ZNF831: variants seen among roughly 807,000 people sequenced by gnomAD.
ZNF831 encodes chromosome 20 open reading frame 174.
In ZNF831, 59 loss-of-function variants were observed where a neutral mutation model predicts 95.8. The ratio of observed to expected loss-of-function variants is 0.62; its 90% CI spans 0.50 to 0.77. The LOEUF is 0.77. Ranked by LOEUF, ZNF831 falls within the 30% of genes least tolerant of loss-of-function variation. The pLI is 0.00. For synonymous variants in ZNF831, 961 were observed against 925.5 expected, an observed-to-expected ratio of 1.04 and a Z score of -0.70; for missense variants, 2,205 against 2,164.0, an observed-to-expected ratio of 1.02 and a Z score of -0.38.
intron 4 of ZNF831, among the ~76,000 whole-genome samples, chr20:59,249,253 C>T (rs989812674): frequency 7.2e-5 from 11 of 152,154 alleles, no homozygotes; most frequent in African/African-American, 2.7e-4. Context: ...TAAGCCCCCT[C>T]ATTACTCTCT....
chr20:59,222,220 C>T (rs1249421533), intron 4 of ZNF831, among the ~76,000 whole-genome samples: 1 of 152,220 alleles, frequency 6.6e-6, no homozygotes, highest in Non-Finnish European at 1.5e-5. Context: ...ACTCGCCCCA[C>T]GGGCTGGGCT....
At chr20:59,205,594 T>G (rs116849175) in intron 3 of ZNF831, among the ~76,000 whole-genome samples, 11,340 of 152,204 alleles carry the variant, frequency 0.075, 584 homozygotes, top group Non-Finnish European at 0.11. Flanking sequence ...TATTTAAAAT[T>G]TTGTGAGCGG....
In ZNF831 at chr20:59,254,498, G is replaced by A. The variant is rs2146770760; in HGVS notation, c.4789G>A (p.Gly1597Arg). ...GTTTTTTCCTTCCAGAGGCCAGTAT[G>A]GGTGTGGGGAAATGACTGTCCCCTG... is the stretch of plus-strand genomic sequence containing the variant. ...KTFFPSRGQY[G>R]CGEMTVPCPS... The change falls in exon 6 of 6, where the codon GGG (glycine) becomes AGG (arginine). Residue 1597 changes from glycine (G) to arginine (R), a missense_variant. Transcript: ENST00000371030. The surrounding 1 kb of genome is among the most constrained non-coding windows in gnomAD (Gnocchi z 4.5). The A allele has an allele frequency of 6.2e-7, 1 of 1,614,196 alleles. No individual in the cohort carries two copies. Among genetic ancestry groups the A allele is most frequent in the Non-Finnish European group, 8.5e-7 (1 of 1,180,040 alleles).
At chr20:59,161,676 G>C (rs1171514426), upstream of ZNF831, among the ~76,000 whole-genome samples, 1 of 152,192 alleles carries the variant, frequency 6.6e-6, no homozygotes, top group Non-Finnish European at 1.5e-5. Context: ...AGGCACCCAG[G>C]TTGATTCCAT....
chr20:59,174,219 C>G (rs980071200), intron 1 of ZNF831, among the ~76,000 whole-genome samples: 5 of 152,136 alleles, frequency 3.3e-5, no homozygotes, highest in Non-Finnish European at 5.9e-5. Flanking sequence ...GGGAGGCTAG[C>G]TGGCTTTACG....
chr20:59,153,940 G>A (rs1316890046), intron 2 of ZNF831, among the ~76,000 whole-genome samples: 1 of 152,190 alleles, frequency 6.6e-6, no homozygotes, highest in Non-Finnish European at 1.5e-5. Context: ...GCATTGTCCT[G>A]TTCAGGTGGT....
In ZNF831 at chr20:59,245,677, A is replaced by G. The variant is rs146754639; in HGVS notation, c.4028-7301A>G. Among the ~76,000 whole-genome samples, 822 of 152,282 alleles carry G rather than the reference A, an allele frequency of 5.4e-3. 5 individuals are homozygous for G. Among genetic ancestry groups the G allele is most frequent in the African/African-American group, 0.019 (786 of 41,550 alleles). ...GGTTTTTAACAAACCCACAAAATGCATTTTCCTCAGTCAATTTTGAAATAA... is the reference window on the plus strand; with the variant it reads ...GGTTTTTAACAAACCCACAAAATGCGTTTTCCTCAGTCAATTTTGAAATAA... On this transcript the variant is annotated intron_variant, in intron 4 of 5. Coordinates refer to ENST00000371030, the MANE Select transcript of ZNF831 (RefSeq NM_178457.3).
At chr20:59,188,625 C>T (rs1215049522) in intron 1 of ZNF831, among the ~76,000 whole-genome samples, 1 of 151,698 alleles carries the variant, frequency 6.6e-6, no homozygotes, top group Non-Finnish European at 1.5e-5. Flanking sequence ...CCACTGCATT[C>T]CAGCCTGGGC....
chr20:59,226,304 A>G (rs1986427914), intron 4 of ZNF831, among the ~76,000 whole-genome samples: 2 of 152,140 alleles, frequency 1.3e-5, no homozygotes. Context: ...CTTGGCCAGC[A>G]AGCTGCCTTC....
chr20:59,233,920 T>A (rs932145502), intron 4 of ZNF831, among the ~76,000 whole-genome samples: 2 of 152,218 alleles, frequency 1.3e-5, no homozygotes, highest in Admixed American at 6.5e-5. Flanking sequence ...GCCACCCTCA[T>A]CCCCACCTAC....
At chr20:59,196,126 A>G (rs116082248) in intron 3 of ZNF831, 121 bp downstream of exon 3, 14,308 of 1,360,540 alleles carry the variant, frequency 0.011, 92 homozygotes, top group African/African-American at 0.028. Flanking sequence ...TTAGAGCTTC[A>G]TGATTAAAGG....
intron 4 of ZNF831, among the ~76,000 whole-genome samples, chr20:59,239,757 C>T (rs1568790375): frequency 6.6e-6 from 1 of 152,160 alleles, no homozygotes; most frequent in Non-Finnish European, 1.5e-5. Flanking sequence ...GTTGGCCAGG[C>T]TGGTCTTGAA....
chr20:59,148,870 G>A (rs1443831577), intron 2 of ZNF831, among the ~76,000 whole-genome samples: 1 of 151,920 alleles, frequency 6.6e-6, no homozygotes, highest in Non-Finnish European at 1.5e-5. Context: ...CTGCCCTCCT[G>A]ACCACAACAC....
intron 1 of ZNF831, among the ~76,000 whole-genome samples, chr20:59,127,893 C>A (rs1979225730): frequency 6.6e-6 from 1 of 152,224 alleles, no homozygotes; most frequent in African/African-American, 2.4e-5. Flanking sequence ...GTGGAGCCTT[C>A]CATTCTTCCC....
intron 4 of ZNF831, among the ~76,000 whole-genome samples, chr20:59,210,987 T>C (rs1487488364): frequency 3.9e-5 from 3 of 77,620 alleles, no homozygotes; most frequent in East Asian, 1.0e-3. Context: ...GAGCCGAGAT[T>C]GCGCCACTGC....
chr20:59,190,139 A>G (rs1423786814), intron 1 of ZNF831, among the ~76,000 whole-genome samples: 1 of 152,182 alleles, frequency 6.6e-6, no homozygotes, highest in Non-Finnish European at 1.5e-5. Context: ...GGGCTTTGGA[A>G]GCCCCACCTT....
At chr20:59,200,274 A>G (rs530781684) in intron 3 of ZNF831, among the ~76,000 whole-genome samples, 2 of 152,248 alleles carry the variant, frequency 1.3e-5, no homozygotes, top group South Asian at 4.1e-4. Flanking sequence ...TCATTCTCCA[A>G]ATATTGCCTC....
At chr20:59,190,198 C>T (rs754291867) in intron 1 of ZNF831, among the ~76,000 whole-genome samples, 4 of 152,190 alleles carry the variant, frequency 2.6e-5, no homozygotes, top group Non-Finnish European at 4.4e-5. Flanking sequence ...TGCTCCTTTT[C>T]CTAGTGGTGT....
chr20:59,171,661 T>C (rs1260555719), intron 1 of ZNF831, among the ~76,000 whole-genome samples: 2 of 152,302 alleles, frequency 1.3e-5, no homozygotes, highest in East Asian at 3.9e-4. Flanking sequence ...AACTCATATA[T>C]AAAAATTTAA....
Sources: allele counts gnomAD v4.1 joint callset (sites outside exome capture counted in the v4.1 genomes callset), GRCh38; gene constraint gnomAD v4.1.1; non-coding constraint Gnocchi (gnomAD v3.1); transcripts MANE v1.5; gene names NCBI Gene and HGNC (gene_info 2026-07-23, HGNC 2026-07-21).